The following SPTLC3 variants were observed in gnomAD, a reference collection of about 807,000 sequenced individuals.
SPTLC3 encodes serine palmitoyltransferase long chain base subunit 3, also known as serine palmitoyltransferase 3.
SPTLC3 carries 36 observed loss-of-function variants against 59.3 expected under a neutral mutation model. The observed-to-expected ratio is 0.61, with a 90% CI of 0.47 to 0.80. The LOEUF (loss-of-function observed/expected upper bound fraction) is 0.80, where lower values mean the gene tolerates loss of function less well. Among genes scored for constraint, SPTLC3 ranks in the 30% least tolerant of loss-of-function variants. The probability of loss-of-function intolerance (pLI) is 0.00; values close to 1 mark genes in which losing one functional copy is unlikely to be tolerated. For synonymous variants in SPTLC3, 257 were observed against 240.8 expected (o/e 1.07, Z -0.62); for missense variants, 625 against 685.1 (o/e 0.91, Z 0.98).
intron 10 of SPTLC3, among the ~76,000 whole-genome samples, chr20:13,155,551 G>A (rs952733279): frequency 3.3e-5 from 5 of 152,178 alleles, no homozygotes; most frequent in African/African-American, 1.2e-4. Flanking sequence ...TGAAGGCTGG[G>A]CGCGGTGGCT....
At chr20:13,120,449 A>G (rs955996164) in intron 8 of SPTLC3, among the ~76,000 whole-genome samples, 2 of 152,360 alleles carry the variant, frequency 1.3e-5, no homozygotes, top group South Asian at 2.1e-4. Context: ...GGTTCTCAGT[A>G]AACCCTGAAA....
chr20:13,100,572 TAAC>T (rs913294785), intron 6 of SPTLC3, among the ~76,000 whole-genome samples: 1 of 151,794 alleles, frequency 6.6e-6, no homozygotes, highest in East Asian at 1.9e-4. Flanking sequence ...TCTTAAACAA[TAAC>T]AACAACAACA....
chr20:13,137,740 C>A (rs924685024), intron 9 of SPTLC3, among the ~76,000 whole-genome samples: 1 of 152,166 alleles, frequency 6.6e-6, no homozygotes, highest in African/African-American at 2.4e-5. Context: ...TCCTCACAAA[C>A]GAAGGGAATC....
At chr20:13,011,965 T>C (rs918771594) in intron 1 of SPTLC3, among the ~76,000 whole-genome samples, 9 of 152,156 alleles carry the variant, frequency 5.9e-5, no homozygotes, top group African/African-American at 2.2e-4. Flanking sequence ...TCTTATAATT[T>C]TTATTGAATT....
chr20:13,038,786 A>G (rs188036736), intron 1 of SPTLC3, among the ~76,000 whole-genome samples: 66 of 152,256 alleles, frequency 4.3e-4, no homozygotes, highest in African/African-American at 1.5e-3. Flanking sequence ...TTAGAGCTAT[A>G]AATGTCCTGT....
At chr20:13,016,454 C>T (rs1231411907) in intron 1 of SPTLC3, among the ~76,000 whole-genome samples, 1 of 152,074 alleles carries the variant, frequency 6.6e-6, no homozygotes, top group Non-Finnish European at 1.5e-5. Context: ...ATATTATTAG[C>T]CACATTCATA....
chr20:13,038,781 G>C (rs1456842112), intron 1 of SPTLC3, among the ~76,000 whole-genome samples: 1 of 152,054 alleles, frequency 6.6e-6, no homozygotes, highest in African/African-American at 2.4e-5. Flanking sequence ...AGGCATTAGA[G>C]CTATAAATGT....
At chr20:13,161,342 C>T (rs2038892757) in intron 11 of SPTLC3, among the ~76,000 whole-genome samples, 1 of 152,072 alleles carries the variant, frequency 6.6e-6, no homozygotes, top group Admixed American at 6.5e-5. Context: ...TGTCCATGGT[C>T]CACCTATAGA....
intron 2 of SPTLC3, among the ~76,000 whole-genome samples, chr20:13,051,959 T>C (rs772084011): frequency 8.5e-5 from 13 of 152,056 alleles, no homozygotes; most frequent in Non-Finnish European, 1.5e-4. Context: ...CCTAAACTCC[T>C]ACATCAGAAT....
At chr20:13,027,370 C>G (rs930455993) in intron 1 of SPTLC3, among the ~76,000 whole-genome samples, 3 of 152,116 alleles carry the variant, frequency 2.0e-5, no homozygotes, top group Non-Finnish European at 4.4e-5. Context: ...AGCAGATAAA[C>G]AAATGCTACT....
intron 10 of SPTLC3, 21 bp downstream of exon 10, chr20:13,154,159 A>T (rs753768261): frequency 6.2e-7 from 1 of 1,613,610 alleles, no homozygotes; most frequent in South Asian, 1.1e-5. Context: ...AAGGCATCTC[A>T]TAATCACACC....
intron 9 of SPTLC3, among the ~76,000 whole-genome samples, chr20:13,136,786 C>G (rs1331756903): frequency 6.7e-6 from 1 of 149,082 alleles, no homozygotes; most frequent in Non-Finnish European, 1.5e-5. Context: ...AATAACAATG[C>G]AATATTTTCT....
intron 11 of SPTLC3, among the ~76,000 whole-genome samples, chr20:13,164,205 A>G (rs1427668199): frequency 6.6e-6 from 1 of 152,174 alleles, no homozygotes. Context: ...AAGAGAGTTG[A>G]AACAGACAAG....
chr20:13,150,856 T>C (rs528089286), intron 9 of SPTLC3, among the ~76,000 whole-genome samples: 2 of 152,224 alleles, frequency 1.3e-5, no homozygotes, highest in Non-Finnish European at 2.9e-5. Flanking sequence ...TCTAGCTTTT[T>C]GTGTGGTTAG....
intron 9 of SPTLC3, among the ~76,000 whole-genome samples, chr20:13,128,349 TAG>T (rs1023203059): frequency 1.0e-3 from 153 of 152,308 alleles, no homozygotes; most frequent in African/African-American, 3.6e-3. Flanking sequence ...ATAAACCCTG[TAG>T]ATCTCAGTGG....
At chr20:13,024,519 T>G (rs1330288068) in intron 1 of SPTLC3, among the ~76,000 whole-genome samples, 1 of 152,176 alleles carries the variant, frequency 6.6e-6, no homozygotes, top group Non-Finnish European at 1.5e-5. Context: ...TTTCTATAGT[T>G]TTTTTTCTTT....
chr20:13,012,818 A>G (rs1044850742), intron 1 of SPTLC3, among the ~76,000 whole-genome samples: 3 of 152,178 alleles, frequency 2.0e-5, no homozygotes, highest in African/African-American at 7.2e-5. Flanking sequence ...CTTTTTCAGT[A>G]TGTTCTAGGA....
rs181292850 is a variant in SPTLC3, at chr20:13,164,896, A to C, written c.*29A>C. The C allele has an allele frequency of 5.3e-5, 84 of 1,575,934 alleles. No homozygotes were observed. In the East Asian group the frequency reaches 1.5e-3, roughly 28 times the overall value. ...TCCTGGTCCTGAATGACACATAAAG[A>C]CTTTGCGAGAAAGACCTCCCTCCTT... is the stretch of plus-strand genomic sequence containing the variant. On this transcript the variant is annotated 3_prime_UTR_variant, in exon 12 of 12. Transcript: ENST00000399002.
rs1031620509 is a variant in SPTLC3, at chr20:13,078,270, C to T, written c.607+3773C>T. Among the ~76,000 whole-genome samples, 11 of 149,628 alleles carry T rather than the reference C, an allele frequency of 7.4e-5. No individual in the cohort carries two copies. The South Asian group carries it at 1.9e-3, about 26-fold the overall frequency. On this transcript the variant is annotated intron_variant, in intron 4 of 11. Coordinates refer to ENST00000399002, the MANE Select transcript of SPTLC3 (RefSeq NM_018327.4). ...TTGGCATTGAGACTAACAGTACCTT[C>T]AAATAACAGAATAACATAATCAAGT...
Sources: gnomAD v4.1 joint callset for allele counts (sites outside exome capture counted in the v4.1 genomes callset) on GRCh38, gnomAD v4.1.1 for gene constraint, MANE v1.5 for transcripts, NCBI Gene and HGNC (gene_info 2026-07-23, HGNC 2026-07-21) for gene names.